LHX4: variants seen among roughly 807,000 people sequenced by gnomAD.
The protein encoded by LHX4 is LIM/homeobox protein Lhx4.
LHX4 carries 16 observed loss-of-function variants against 39.2 expected under a neutral mutation model. The observed-to-expected ratio is 0.41, with a 90% confidence interval of 0.28 to 0.62. The LOEUF is 0.62. Ranked by LOEUF, LHX4 falls within the 20% of genes least tolerant of loss-of-function variation. The pLI is 0.33. For synonymous variants in LHX4, 206 were observed against 198.1 expected, an observed-to-expected ratio of 1.04 and a Z score of -0.33; for missense variants, 439 against 511.9, an observed-to-expected ratio of 0.86 and a Z score of 1.37.
At chr1:180,262,245 C>T (rs1015630288) in intron 2 of LHX4, among the ~76,000 whole-genome samples, 1 of 148,266 alleles carries the variant, frequency 6.7e-6, no homozygotes, top group Admixed American at 6.8e-5. Flanking sequence ...TCTGGGATCG[C>T]TGCCCAGCAC....
chr1:180,242,457 A>G (rs1664463524), intron 1 of LHX4, among the ~76,000 whole-genome samples: 1 of 152,050 alleles, frequency 6.6e-6, no homozygotes, highest in African/African-American at 2.4e-5. Flanking sequence ...ATGCATGTCT[A>G]TGTATATAAG....
chr1:180,259,833 T>C (rs822723), intron 2 of LHX4, among the ~76,000 whole-genome samples: 122,904 of 151,280 alleles, frequency 0.81, 50,505 homozygotes, highest in East Asian at 0.99. Context: ...CCCTGGGTTG[T>C]GTGAGTCAGT....
At chr1:180,259,535 C>T (rs1239580787) in intron 2 of LHX4, among the ~76,000 whole-genome samples, 1 of 151,654 alleles carries the variant, frequency 6.6e-6, no homozygotes, top group Non-Finnish European at 1.5e-5. Context: ...AGCCGGGCTT[C>T]CCTCTTCCAT....
At chr1:180,258,463 G>C (rs1159632931) in intron 2 of LHX4, among the ~76,000 whole-genome samples, 1 of 152,332 alleles carries the variant, frequency 6.6e-6, no homozygotes, top group East Asian at 1.9e-4. Flanking sequence ...CCACTGGAAG[G>C]TTTCAGCAGG....
chr1:180,271,779 G>T, intron 4 of LHX4, 56 bp from the exon 5 acceptor site: 1 of 1,601,252 alleles, frequency 6.2e-7, no homozygotes, highest in South Asian at 1.1e-5. Flanking sequence ...GGGTCCTGGG[G>T]GCTTTGGGTT....
In LHX4 at chr1:180,274,207, T is replaced by C. The variant is rs749703414; in HGVS notation, c.801T>C (p.Leu267=). The C allele has an allele frequency of 1.1e-5, 17 of 1,614,110 alleles. No individual in the cohort carries two copies. The Admixed American group carries it at 1.5e-4, about 14-fold the overall frequency. Residue 267 remains leucine (L), a synonymous_variant, in exon 6 of 6, where the codon CTT becomes CTC. Transcript: ENST00000263726. The part of the protein sequence containing the change: ...SFREDQILSE[L]GHTNRIYGNV... Reference sequence around the variant, plus strand: ...CAGAGGATCAAATTCTCTCAGAACTTGGCCACACCAATAGGATTTATGGCA... The same window carrying C: ...CAGAGGATCAAATTCTCTCAGAACTCGGCCACACCAATAGGATTTATGGCA...
rs1664271638 is a variant in LHX4 at position 180,234,741 on chromosome 1, A to C, written c.76+4136A>C. On this transcript the variant is annotated intron_variant, in intron 1 of 5. Transcript: ENST00000263726. The surrounding 1 kb of genome is among the most constrained non-coding windows in gnomAD (Gnocchi z 4.8). ...AAGTCGTAAAGTCGGGACTGAGAAG[A>C]AGCAGGACCTAACTCAAGTTTATTT... Among the ~76,000 whole-genome samples the C allele has an allele frequency of 6.6e-6, 1 of 152,236 alleles. No individual in the cohort carries two copies. The highest frequency in any genetic ancestry group is 2.4e-5 in the African/African-American group (1 of 41,468).
chr1:180,230,478 C>A lies in LHX4; in HGVS notation c.-52C>A, dbSNP rs1664149829. On this transcript the variant is annotated 5_prime_UTR_variant, in exon 1 of 6. Coordinates refer to ENST00000263726, the MANE Select transcript of LHX4 (RefSeq NM_033343.4). This position sits in a 1 kb window ranked among gnomAD's most constrained non-coding sequence, Gnocchi z 5.8. The stretch of plus-strand genomic sequence containing the variant: ...TTGAAATTTCTGAATCGAGCTAGAG[C>A]GAGAGAGCGAGAGATCTCCGTAGAC... 2.8e-6 allele frequency: 4 copies of A among 1,442,372 alleles called. No individual in the cohort carries two copies. Among genetic ancestry groups the A allele is most frequent in the South Asian group, 1.2e-5 (1 of 86,560 alleles). 89.3% of individuals were successfully genotyped at this position (1,442,372 alleles called of 1,614,324 possible). A position where few individuals can be genotyped will look rare whatever the true frequency, so the allele number is the denominator to read the frequency against.
At chr1:180,248,125 T>C (rs763786254) in intron 1 of LHX4, among the ~76,000 whole-genome samples, 160 bp from the exon 2 acceptor site, 14 of 152,242 alleles carry the variant, frequency 9.2e-5, no homozygotes, top group Admixed American at 5.2e-4. Context: ...CGTACGTTTG[T>C]GTGCAATGTA....
At chr1:180,241,359 G>T (rs1203995056) in intron 1 of LHX4, among the ~76,000 whole-genome samples, 1 of 152,228 alleles carries the variant, frequency 6.6e-6, no homozygotes, top group African/African-American at 2.4e-5. Flanking sequence ...GAGTGTTTAG[G>T]AGGGGGTTGA....
chr1:180,248,482 G>C, intron 2 of LHX4, 26 bp downstream of exon 2: 1 of 1,612,880 alleles, frequency 6.2e-7, no homozygotes, highest in Non-Finnish European at 8.5e-7. Context: ...CCGTCTCGTG[G>C]CCCTGGCCTG....
Position 180,278,515 on chromosome 1 carries a change from C to G in LHX4, c.*3936C>G, listed in dbSNP as rs928746437. 6.6e-6 allele frequency: 1 copy of G among 152,100 alleles called. No homozygotes were observed. The highest frequency in any genetic ancestry group is 1.5e-5 in the Non-Finnish European group (1 of 68,080). The allele number at this position is 152,100 out of a possible 1,614,324, so 9.4% of individuals were successfully genotyped here. ...CATGCTGCTAGCTCTGGTAAGGAGACAGCTGCAGGTTTGGGAGGTGCACCA... is the reference window on the plus strand; with the variant it reads ...CATGCTGCTAGCTCTGGTAAGGAGAGAGCTGCAGGTTTGGGAGGTGCACCA... On this transcript the variant is annotated 3_prime_UTR_variant, in exon 6 of 6. Transcript: ENST00000263726.
At chr1:180,271,107 C>T in intron 3 of LHX4, 1 of 527,618 alleles carries the variant, frequency 1.9e-6, no homozygotes, top group Non-Finnish European at 3.5e-6. Context: ...GATGAGACTT[C>T]TGTGCAGCTG....
chr1:180,267,466 C>A (rs1648369626), intron 3 of LHX4, among the ~76,000 whole-genome samples: 1 of 152,266 alleles, frequency 6.6e-6, no homozygotes, highest in African/African-American at 2.4e-5. Context: ...CCATGCTCCC[C>A]TCGCAAAGCC....
rs1648967728 is a variant in LHX4, at chr1:180,275,449, T to G, written c.*870T>G. On this transcript the variant is annotated 3_prime_UTR_variant, in exon 6 of 6. Transcript: ENST00000263726. Reference sequence around the variant, plus strand: ...GGAGAACAAAATGACAATCAATCAGTGAACATTTGTAGACACATTTGGATT... The same window carrying G: ...GGAGAACAAAATGACAATCAATCAGGGAACATTTGTAGACACATTTGGATT... 2 of 152,228 alleles carry G rather than the reference T, an allele frequency of 1.3e-5. No homozygotes were observed. Among genetic ancestry groups the G allele is most frequent in the African/African-American group, 4.8e-5 (2 of 41,456 alleles). The allele number at this position is 152,228 out of a possible 1,614,324, so 9.4% of individuals were successfully genotyped here. A position where few individuals can be genotyped will look rare whatever the true frequency, so the allele number is the denominator to read the frequency against.
chr1:180,234,053 G>A lies in LHX4; in HGVS notation c.76+3448G>A, dbSNP rs1571254083. On this transcript the variant is annotated intron_variant, in intron 1 of 5. Coordinates refer to ENST00000263726, the MANE Select transcript of LHX4 (RefSeq NM_033343.4). This position sits in a 1 kb window ranked among gnomAD's most constrained non-coding sequence, Gnocchi z 4.8. ...CTTGCAGGACATTTCTTAAGGGGGT[G>A]AGATGGATTCACTGTCCAAGACAGG... is the stretch of plus-strand genomic sequence containing the variant. Among the ~76,000 whole-genome samples, 1 of 150,338 alleles carries A rather than the reference G, an allele frequency of 6.7e-6. No individual in the cohort carries two copies. Among genetic ancestry groups the A allele is most frequent in the Non-Finnish European group, 1.5e-5 (1 of 67,554 alleles).
chr1:180,247,270 C>A (rs754595351), intron 1 of LHX4, among the ~76,000 whole-genome samples: 1 of 152,110 alleles, frequency 6.6e-6, no homozygotes, highest in African/African-American at 2.4e-5. Flanking sequence ...GGACAGGAAC[C>A]GGATGGGGCA....
In LHX4 at chr1:180,274,601, CCTGCCCCCCT is replaced by C; in HGVS notation, c.*23_*32del. On this transcript the variant is annotated 3_prime_UTR_variant, in exon 6 of 6. Transcript: ENST00000263726. ...TTAAACTTCTCTCCTCCCCACCCTACCTGCCCCCCTGGCTTGAGAGAATATCTTCAAGGAT... is the reference window on the plus strand; with the variant it reads ...TTAAACTTCTCTCCTCCCCACCCTACGGCTTGAGAGAATATCTTCAAGGAT... 1 of 1,539,654 alleles carries C rather than the reference CCTGCCCCCCT, an allele frequency of 6.5e-7. No individual in the cohort carries two copies. The highest frequency in any genetic ancestry group is 8.7e-7 in the Non-Finnish European group (1 of 1,146,008).
At chr1:180,264,945 A>G (rs1338128176) in intron 2 of LHX4, among the ~76,000 whole-genome samples, 1 of 151,956 alleles carries the variant, frequency 6.6e-6, no homozygotes, top group Admixed American at 6.6e-5. Flanking sequence ...GACTTAGAGA[A>G]CCCCCACTTT....
Sources: gnomAD v4.1 joint callset for allele counts (sites outside exome capture counted in the v4.1 genomes callset) on GRCh38, gnomAD v4.1.1 for gene constraint, Gnocchi (gnomAD v3.1) non-coding constraint, MANE v1.5 for transcripts, NCBI Gene and HGNC (gene_info 2026-07-23, HGNC 2026-07-21) for gene names.